NLRC5: variants seen among roughly 807,000 people sequenced by gnomAD.
The protein encoded by NLRC5 is NLR family CARD domain containing 5.
A neutral mutation model predicts 206.9 loss-of-function variants in NLRC5; 114 were observed. The observed-to-expected ratio is 0.55, with a 90% confidence interval of 0.47 to 0.64. NLRC5 has a LOEUF of 0.64. NLRC5 is among the 30% of genes least tolerant of loss of function. The probability of loss-of-function intolerance (pLI) is 0.00; values close to 1 mark genes in which losing one functional copy is unlikely to be tolerated. For synonymous variants in NLRC5, 952 were observed against 962.8 expected (o/e 0.99, Z 0.21); for missense variants, 2,008 against 2,305.5 (o/e 0.87, Z 2.64).
chr16:57,009,451 G>T lies in NLRC5; in HGVS notation c.-127-7623G>T, dbSNP rs541417628. ...TACTAAAAATACAAAAAATGAGCTGGGCATGGTGGCGTGTGCCTGTGGTCC... is the reference window on the plus strand; with the variant it reads ...TACTAAAAATACAAAAAATGAGCTGTGCATGGTGGCGTGTGCCTGTGGTCC... On this transcript the variant is annotated intron_variant, in intron 1 of 48. Transcript: ENST00000688547. 4.7e-4 allele frequency among the ~76,000 whole-genome samples: 72 copies of T among 151,974 alleles called. 2 individuals carry two copies. The South Asian group carries it at 0.012, about 25-fold the overall frequency.
intron 48 of NLRC5, 146 bp downstream of exon 48, chr16:57,081,756 A>G: frequency 1.5e-6 from 1 of 671,830 alleles, no homozygotes; most frequent in South Asian, 1.8e-5. Context: ...ATTTGGCAGC[A>G]AGCAGACTTG....
chr16:57,067,180 T>C (rs1379712714), intron 34 of NLRC5, among the ~76,000 whole-genome samples: 1 of 152,238 alleles, frequency 6.6e-6, no homozygotes, highest in Non-Finnish European at 1.5e-5. Flanking sequence ...TGTGTGTCCT[T>C]GTGCGGTGAA....
chr16:57,057,538 G>A (rs1322366520), intron 27 of NLRC5, among the ~76,000 whole-genome samples: 2 of 152,124 alleles, frequency 1.3e-5, no homozygotes, highest in African/African-American at 4.8e-5. Flanking sequence ...AAATCTATGG[G>A]TTTAATGCAT....
chr16:57,009,195 G>A (rs1250871284), intron 1 of NLRC5, among the ~76,000 whole-genome samples: 2 of 152,090 alleles, frequency 1.3e-5, no homozygotes, highest in Non-Finnish European at 2.9e-5. Flanking sequence ...GGAGGCTGAG[G>A]CGGGAGAATC....
intron 8 of NLRC5, among the ~76,000 whole-genome samples, chr16:57,029,266 C>A (rs1280381793): frequency 5.3e-5 from 8 of 152,222 alleles, no homozygotes; most frequent in Non-Finnish European, 1.2e-4. Context: ...CCCCTCAACT[C>A]ATCTGTCTCC....
intron 4 of NLRC5, among the ~76,000 whole-genome samples, chr16:57,023,436 G>C (rs2060893473): frequency 6.6e-6 from 1 of 152,172 alleles, no homozygotes; most frequent in South Asian, 2.1e-4. Context: ...ACCACCGGCG[G>C]CTTCCATAGA....
At position 57,027,125 on chromosome 16, in the gene NLRC5, T is replaced by C. The variant is rs1597231983; in HGVS notation, c.2075+107T>C. On this transcript the variant is annotated intron_variant, in intron 6 of 48. Transcript: ENST00000688547. ...AAGAGGACTGGATAAGAATCTTGAA[T>C]ATCAGAACATAATGGCCTGCAATGC... 3 of 1,320,666 alleles carry C rather than the reference T, an allele frequency of 2.3e-6. No homozygotes were observed. The East Asian group carries it at 7.0e-5, about 31-fold the overall frequency. 81.8% of individuals were successfully genotyped at this position (1,320,666 alleles called of 1,614,324 possible).
chr16:57,018,803 T>C (rs2060355815), intron 2 of NLRC5, among the ~76,000 whole-genome samples: 2 of 152,180 alleles, frequency 1.3e-5, no homozygotes. Flanking sequence ...AGGAAGGACA[T>C]AGTACCAGAA....
chr16:57,002,099 C>T (rs2058325005), intron 1 of NLRC5, among the ~76,000 whole-genome samples: 1 of 152,210 alleles, frequency 6.6e-6, no homozygotes, highest in Non-Finnish European at 1.5e-5. Context: ...TTTTTGATGG[C>T]TGAATAGTAC....
intron 1 of NLRC5, among the ~76,000 whole-genome samples, chr16:57,006,503 C>A (rs2058934737): frequency 7.0e-6 from 1 of 143,176 alleles, no homozygotes; most frequent in Non-Finnish European, 1.5e-5. Flanking sequence ...ACCTCAACCT[C>A]CCGGGCTCAA....
At chr16:56,992,175 G>C (rs533904355) in intron 1 of NLRC5, 1 of 152,174 alleles carries the variant, frequency 6.6e-6, no homozygotes, top group Non-Finnish European at 1.5e-5. Context: ...GAGGGAGCCC[G>C]GCCCTGACCA....
Position 57,026,491 on chromosome 16 carries a change from C to A in NLRC5, c.1548C>A (p.Ser516Arg). The change falls in exon 6 of 49, where the codon AGC (serine) becomes AGA (arginine). Residue 516 changes from serine (S) to arginine (R), a missense_variant. Transcript: ENST00000688547. Reference sequence around the variant, plus strand: ...CAGGCTATGCTTTCACCCACCTCAGCCTGCAGGAGTTTCTTGCTGCCCTGC... The same window carrying A: ...CAGGCTATGCTTTCACCCACCTCAGACTGCAGGAGTTTCTTGCTGCCCTGC... ...QQTGYAFTHL[S>R]LQEFLAALHL... is the part of the protein sequence containing the mutation. 1 of 1,614,176 alleles carries A rather than the reference C, an allele frequency of 6.2e-7. No homozygotes were observed. The highest frequency in any genetic ancestry group is 1.1e-5 in the South Asian group (1 of 91,092).
intron 10 of NLRC5, among the ~76,000 whole-genome samples, chr16:57,030,335 G>T (rs2061658769): frequency 6.6e-6 from 1 of 151,874 alleles, no homozygotes; most frequent in Non-Finnish European, 1.5e-5. Flanking sequence ...TGGATGAAAA[G>T]ATGGATGGAT....
chr16:57,054,080 A>G lies in NLRC5; in HGVS notation c.3507-671A>G, dbSNP rs569163501. Among the ~76,000 whole-genome samples the G allele has an allele frequency of 1.7e-3, 259 of 152,178 alleles. 2 individuals carry two copies. The highest frequency in any genetic ancestry group is 6.0e-3 in the African/African-American group (251 of 41,518). ...GAGGCTGCCTCTGAGGGCAGAGTGG[A>G]CCCATCTCACTTTCTCTAAGGCAGT... On this transcript the variant is annotated intron_variant, in intron 24 of 48. Transcript: ENST00000688547.
Position 57,020,807 on chromosome 16 carries a change from T to G in NLRC5, c.95T>G (p.Met32Arg). 6.2e-7 allele frequency: 1 copy of G among 1,613,262 alleles called. No individual in the cohort carries two copies. The highest frequency in any genetic ancestry group is 8.5e-7 in the Non-Finnish European group (1 of 1,179,852). The change falls in exon 3 of 49, where the codon ATG (methionine) becomes AGG (arginine). Residue 32 changes from methionine (M) to arginine (R), a missense_variant. Transcript: ENST00000688547. The part of the protein sequence containing the change: ...TKDPEWLNAK[M>R]KFFLPNTDLD... ...GACCCAGAATGGCTGAACGCCAAGA[T>G]GAAGTTCTTCCTCCCCAACACGGAC...
intron 1 of NLRC5, among the ~76,000 whole-genome samples, chr16:57,001,808 G>A (rs1404366723): frequency 1.3e-5 from 2 of 152,116 alleles, no homozygotes; most frequent in African/African-American, 2.4e-5. Context: ...ACTGACTATA[G>A]TTACCCTCTT....
chr16:57,067,485 ACT>A lies in NLRC5; in HGVS notation c.4406+18_4406+19del. Reference sequence around the variant, plus strand: ...CAGCAGCTCAGGTCAGCGCCTGGAAACTCTGTGTGGGGCCCTGAGTTCTCTGG... The same window carrying A: ...CAGCAGCTCAGGTCAGCGCCTGGAAACTGTGTGGGGCCCTGAGTTCTCTGG... On this transcript the variant is annotated intron_variant, in intron 35 of 48. Coordinates refer to ENST00000688547, the MANE Select transcript of NLRC5 (RefSeq NM_001384950.1). 6.2e-7 allele frequency: 1 copy of A among 1,613,280 alleles called. No individual in the cohort carries two copies. Among genetic ancestry groups the A allele is most frequent in the Middle Eastern group, 1.7e-4 (1 of 6,058 alleles).
chr16:57,046,717 G>A, intron 22 of NLRC5, 76 bp downstream of exon 22: 1 of 1,211,410 alleles, frequency 8.3e-7, no homozygotes, highest in Non-Finnish European at 1.2e-6. Flanking sequence ...GCTGGCAGGG[G>A]GCTAGGGCTG....
intron 24 of NLRC5, among the ~76,000 whole-genome samples, chr16:57,054,083 C>T (rs1489499868): frequency 6.6e-6 from 1 of 152,140 alleles, no homozygotes; most frequent in Non-Finnish European, 1.5e-5. Flanking sequence ...AGAGTGGACC[C>T]ATCTCACTTT....
Sources: allele counts gnomAD v4.1 joint callset (sites outside exome capture counted in the v4.1 genomes callset), GRCh38; gene constraint gnomAD v4.1.1; transcripts MANE v1.5; gene names NCBI Gene and HGNC (gene_info 2026-07-23, HGNC 2026-07-21).